Variants in PCDHGA3 observed in about 807,000 individuals in gnomAD.
PCDHGA3 encodes the protein protocadherin gamma subfamily A, 3.
PCDHGA3 carries 40 observed loss-of-function variants against 58.5 expected under a neutral mutation model. The ratio of observed to expected loss-of-function variants is 0.68; its 90% confidence interval spans 0.53 to 0.89. The LOEUF (loss-of-function observed/expected upper bound fraction) is 0.89, where lower values mean the gene tolerates loss of function less well. PCDHGA3 is among the 40% of genes least tolerant of loss of function. The probability of loss-of-function intolerance (pLI) is 0.00; values close to 1 mark genes in which losing one functional copy is unlikely to be tolerated. For synonymous variants in PCDHGA3, 530 were observed against 525.7 expected (o/e 1.01, Z -0.11); for missense variants, 1,223 against 1,195.9 (o/e 1.02, Z -0.33).
intron 1 of PCDHGA3, chr5:141,372,413 T>C (rs1768752463): frequency 6.2e-7 from 1 of 1,614,052 alleles, no homozygotes; most frequent in Non-Finnish European, 8.5e-7. Flanking sequence ...AGATACAACC[T>C]GACCTTAGCG....
intron 1 of PCDHGA3, chr5:141,361,691 C>T (rs764200534): frequency 6.2e-7 from 1 of 1,613,382 alleles, no homozygotes; most frequent in East Asian, 2.2e-5. Flanking sequence ...GCGCAGCGCG[C>T]CTTCGATCAT....
At chr5:141,360,895 G>T in intron 1 of PCDHGA3, 3 of 1,614,046 alleles carry the variant, frequency 1.9e-6, no homozygotes, top group Non-Finnish European at 2.5e-6. Context: ...CCTGAGGGAG[G>T]ACGTGCCGCC....
At chr5:141,450,881 G>A (rs1205242412) in intron 1 of PCDHGA3, among the ~76,000 whole-genome samples, 1 of 149,726 alleles carries the variant, frequency 6.7e-6, no homozygotes, top group African/African-American at 2.5e-5. Flanking sequence ...CTGGTGTGCA[G>A]TGGTGCGATA....
chr5:141,394,511 C>T, intron 1 of PCDHGA3: 1 of 1,614,218 alleles, frequency 6.2e-7, no homozygotes. Flanking sequence ...TGTACCCCGC[C>T]CTCCCCACAG....
chr5:141,383,458 G>A, intron 1 of PCDHGA3: 1 of 1,613,878 alleles, frequency 6.2e-7, no homozygotes, highest in African/African-American at 1.3e-5. Context: ...AAGTGGAGAC[G>A]ATGAAACTAA....
chr5:141,423,877 C>A, intron 1 of PCDHGA3: 1 of 1,283,890 alleles, frequency 7.8e-7, no homozygotes, highest in Non-Finnish European at 9.9e-7. Flanking sequence ...ATTTTTCAAT[C>A]TTGGCATATT....
At chr5:141,459,245 C>G (rs1040972875) in intron 1 of PCDHGA3, among the ~76,000 whole-genome samples, 1 of 152,180 alleles carries the variant, frequency 6.6e-6, no homozygotes, top group African/African-American at 2.4e-5. Context: ...TGCTTCCTGT[C>G]ACTATAAATT....
At position 141,385,121 on chromosome 5, in the gene PCDHGA3, T is replaced by C. The variant is rs748623262; in HGVS notation, c.2424+38664T>C. On this transcript the variant is annotated intron_variant, in intron 1 of 3. Transcript: ENST00000253812. The stretch of plus-strand genomic sequence containing the variant: ...GCGAACGTGCCCACCTCGCACTTTG[T>C]GGGCATGGACGGGGTGCAGGCTTTC... 14 of 1,614,214 alleles carry C rather than the reference T, an allele frequency of 8.7e-6. No homozygotes were observed. The Admixed American group carries it at 2.3e-4, about 27-fold the overall frequency.
intron 1 of PCDHGA3, among the ~76,000 whole-genome samples, chr5:141,456,745 A>T (rs573105679): frequency 6.6e-6 from 1 of 151,920 alleles, no homozygotes; most frequent in South Asian, 2.1e-4. Context: ...CGGGAGCATC[A>T]TGAGGTCAGG....
chr5:141,398,040 C>T (rs569692941), intron 1 of PCDHGA3: 5 of 1,485,976 alleles, frequency 3.4e-6, no homozygotes, highest in East Asian at 4.8e-5. Context: ...AACTAAAGCC[C>T]GTTCGGAGAT....
At chr5:141,393,769 T>C in intron 1 of PCDHGA3, 2 of 1,613,912 alleles carry the variant, frequency 1.2e-6, no homozygotes, top group Non-Finnish European at 1.7e-6. Flanking sequence ...GAAATGGAAA[T>C]ACAAGCCGAA....
intron 1 of PCDHGA3, chr5:141,403,605 G>A (rs2094432434): frequency 6.2e-7 from 1 of 1,613,690 alleles, no homozygotes; most frequent in Admixed American, 1.7e-5. Context: ...TCGGATGGCG[G>A]CGAGCCGCGT....
intron 1 of PCDHGA3, chr5:141,389,039 AG>A: frequency 6.2e-7 from 1 of 1,613,988 alleles, no homozygotes; most frequent in Non-Finnish European, 8.5e-7. Context: ...GTAAATTGGA[AG>A]GTGATGTTCC....
intron 1 of PCDHGA3, chr5:141,398,765 C>T (rs2093700875): frequency 6.2e-7 from 1 of 1,613,944 alleles, no homozygotes. Flanking sequence ...TTAGTCCTGA[C>T]TGCCTTGGAC....
chr5:141,371,512 A>C, intron 1 of PCDHGA3: 2 of 1,613,868 alleles, frequency 1.2e-6, no homozygotes, highest in African/African-American at 2.7e-5. Flanking sequence ...AAAACACATG[A>C]TCTAGATTCT....
chr5:141,422,011 G>T (rs200879435), intron 1 of PCDHGA3: 2 of 1,610,252 alleles, frequency 1.2e-6, no homozygotes, highest in East Asian at 2.2e-5. Flanking sequence ...CGGAACTCGG[G>T]TGCTGATGGT....
intron 1 of PCDHGA3, chr5:141,396,327 A>C (rs1370175057): frequency 6.6e-6 from 1 of 152,430 alleles, no homozygotes; most frequent in Non-Finnish European, 1.5e-5. Flanking sequence ...CTCTAAAAAA[A>C]CTATTATTAG....
At chr5:141,478,234 G>C (rs762337749) in intron 1 of PCDHGA3, 21 of 1,614,082 alleles carry the variant, frequency 1.3e-5, no homozygotes, top group Non-Finnish European at 1.8e-5. Flanking sequence ...TGGGGTTTGT[G>C]GTCACAGTGT....
At position 141,511,256 on chromosome 5, in the gene PCDHGA3, T is replaced by C. The variant is rs1003866304; in HGVS notation, c.*83T>C. On this transcript the variant is annotated 3_prime_UTR_variant, in exon 4 of 4. Transcript: ENST00000253812. ...CTTACCTGCACCCAGGCCTCAGAGT[T>C]TCAGGGCTAACCCCCAGAATACTGG... The C allele has an allele frequency of 1.9e-6, 3 of 1,563,388 alleles. No homozygotes were observed. The highest frequency in any genetic ancestry group is 2.7e-5 in the African/African-American group (2 of 73,508).
Sources: gnomAD v4.1 joint callset for allele counts (sites outside exome capture counted in the v4.1 genomes callset) on GRCh38, gnomAD v4.1.1 for gene constraint, MANE v1.5 for transcripts, NCBI Gene and HGNC (gene_info 2026-07-23, HGNC 2026-07-21) for gene names.